The following PCDHA3 variants were observed in gnomAD, a reference collection of about 807,000 sequenced individuals.
The protein encoded by PCDHA3 is protocadherin alpha-3.
A neutral mutation model predicts 62.2 loss-of-function variants in PCDHA3; 41 were observed. The observed-to-expected ratio is 0.66, with a 90% CI of 0.51 to 0.86. The LOEUF is 0.86. PCDHA3 is among the 40% of genes least tolerant of loss of function. PCDHA3 has a pLI of 0.00. For missense variants in PCDHA3, 1,304 were observed against 1,241.2 expected, an observed-to-expected ratio of 1.05 and a Z score of -0.76; for synonymous variants, 640 against 555.4, an observed-to-expected ratio of 1.15 and a Z score of -2.14.
intron 1 of PCDHA3, chr5:140,810,694 A>G (rs963072160): frequency 6.6e-6 from 1 of 151,434 alleles, no homozygotes. Context: ...TTTTGCTTCC[A>G]TAGAACTTTA....
At chr5:140,821,498 G>C (rs1479155064) in intron 1 of PCDHA3, 4 of 316,254 alleles carry the variant, frequency 1.3e-5, no homozygotes, top group Admixed American at 8.8e-5. Context: ...AAATATTGAC[G>C]AATATAAGCT....
At chr5:140,843,342 A>G (rs2150357887) in intron 1 of PCDHA3, 1 of 1,596,056 alleles carries the variant, frequency 6.3e-7, no homozygotes, top group South Asian at 1.1e-5. Flanking sequence ...GAGAGCGGCC[A>G]GGCTCCAAAA....
At chr5:140,881,325 A>G in intron 1 of PCDHA3, 4 of 984,454 alleles carry the variant, frequency 4.1e-6, no homozygotes, top group Non-Finnish European at 4.8e-6. Flanking sequence ...ATTCTATTTA[A>G]CCAGGACGCC....
In PCDHA3 at chr5:140,877,377, C is replaced by A. The variant is rs575601254; in HGVS notation, c.2394+73786C>A. 8.1e-6 allele frequency: 13 copies of A among 1,614,008 alleles called. No homozygotes were observed. The South Asian group carries it at 1.1e-4, about 14-fold the overall frequency. ...ACACTGGCGAGATCAGCACGACACG[C>A]ATCCTGGATGAGGCGGACGCTCCGC... On this transcript the variant is annotated intron_variant, in intron 1 of 3. Transcript: ENST00000522353.
chr5:140,877,782 GGCCTTCAGCCCAA>G, intron 1 of PCDHA3: 1 of 1,614,154 alleles, frequency 6.2e-7, no homozygotes, highest in Non-Finnish European at 8.5e-7. Context: ...CGGACCTCAT[GGCCTTCAGCCCAA>G]GCCTTCAGCT....
At chr5:141,000,379 C>G (rs1286955585) in intron 3 of PCDHA3, among the ~76,000 whole-genome samples, 6 of 60,366 alleles carry the variant, frequency 9.9e-5, no homozygotes, top group South Asian at 5.4e-4. Context: ...CTCTCTCTCT[C>G]TCTCTCTCTC....
chr5:140,884,123 C>A (rs1360744073), intron 1 of PCDHA3: 4 of 1,613,232 alleles, frequency 2.5e-6, no homozygotes, highest in Non-Finnish European at 3.4e-6. Context: ...GGTCGGCGCG[C>A]GCATCCCGTT....
intron 2 of PCDHA3, among the ~76,000 whole-genome samples, chr5:140,981,054 G>T (rs1024298698): frequency 1.3e-5 from 2 of 152,182 alleles, no homozygotes; most frequent in Admixed American, 1.3e-4. Flanking sequence ...GATAATTCTA[G>T]AGTGTAGACA....
chr5:140,862,621 C>T, intron 1 of PCDHA3: 1 of 528,720 alleles, frequency 1.9e-6, no homozygotes. Flanking sequence ...TAACAACCCG[C>T]GGGGCTGCCA....
In PCDHA3 at chr5:140,862,417, T is replaced by G. The variant is rs77196804; in HGVS notation, c.2394+58826T>G. ...GCTGGTGTCTACCTTCAAAAGGCGCTGCCCAGAAACTATTCGTTGGTACTC... is the reference window on the plus strand; with the variant it reads ...GCTGGTGTCTACCTTCAAAAGGCGCGGCCCAGAAACTATTCGTTGGTACTC... On this transcript the variant is annotated intron_variant, in intron 1 of 3. Coordinates refer to ENST00000522353, the MANE Select transcript of PCDHA3 (RefSeq NM_018906.3). 1.4e-3 allele frequency: 485 copies of G among 351,378 alleles called. 3 individuals are homozygous for G. Among genetic ancestry groups the G allele is most frequent in the African/African-American group, 9.6e-3 (451 of 46,736 alleles). 21.8% of individuals were successfully genotyped at this position (351,378 alleles called of 1,614,324 possible).
At chr5:140,830,378 G>A in intron 1 of PCDHA3, 1 of 1,614,122 alleles carries the variant, frequency 6.2e-7, no homozygotes, top group Non-Finnish European at 8.5e-7. Context: ...CTCCGGGGAG[G>A]GCCCACCCAA....
chr5:140,881,587 G>C (rs1025219392), intron 1 of PCDHA3, among the ~76,000 whole-genome samples: 2 of 152,186 alleles, frequency 1.3e-5, no homozygotes, highest in Non-Finnish European at 1.5e-5. Context: ...CACATTGAGG[G>C]AAATTTATTA....
intron 1 of PCDHA3, chr5:140,877,976 C>T: frequency 8.0e-7 from 1 of 1,255,054 alleles, no homozygotes. Flanking sequence ...GTCATTCTTA[C>T]TCATTTTGAA....
chr5:140,949,277 G>T (rs934497662), intron 1 of PCDHA3, among the ~76,000 whole-genome samples: 2 of 151,734 alleles, frequency 1.3e-5, no homozygotes, highest in African/African-American at 2.4e-5. Context: ...CACTTGAAAA[G>T]AATGTATATT....
intron 3 of PCDHA3, among the ~76,000 whole-genome samples, chr5:140,988,499 C>CTT (rs2097300398): frequency 6.6e-6 from 1 of 152,138 alleles, no homozygotes; most frequent in Non-Finnish European, 1.5e-5. Context: ...CTAGGAGAAG[C>CTT]CATGAAGCTT....
intron 1 of PCDHA3, among the ~76,000 whole-genome samples, chr5:140,961,617 C>T (rs781986571): frequency 2.0e-5 from 3 of 152,086 alleles, no homozygotes; most frequent in Non-Finnish European, 4.4e-5. Context: ...AACTAAAGTG[C>T]CCATATGAAA....
chr5:140,829,978 C>A (rs2150179032), intron 1 of PCDHA3: 17 of 1,613,848 alleles, frequency 1.1e-5, no homozygotes, highest in African/African-American at 4.0e-5. Flanking sequence ...TGTACACGGG[C>A]GAGATCAGCA....
chr5:140,867,911 T>C (rs2050196676), intron 1 of PCDHA3: 1 of 152,134 alleles, frequency 6.6e-6, no homozygotes. Context: ...GAAGGTATAA[T>C]TAAAAATCAC....
intron 1 of PCDHA3, chr5:140,967,979 G>A (rs1405177525): frequency 1.2e-6 from 2 of 1,614,100 alleles, no homozygotes; most frequent in African/African-American, 1.3e-5. Flanking sequence ...CCTGGGTCTG[G>A]AGGCCACACT....
Sources: gnomAD v4.1 joint callset for allele counts (sites outside exome capture counted in the v4.1 genomes callset) on GRCh38, gnomAD v4.1.1 for gene constraint, MANE v1.5 for transcripts, NCBI Gene and HGNC (gene_info 2026-07-23, HGNC 2026-07-21) for gene names.